Variants in MARCHF1 observed in about 807,000 individuals in gnomAD.
The protein encoded by MARCHF1 is membrane associated ring-CH-type finger 1, also known as E3 ubiquitin-protein ligase MARCHF1.
MARCHF1 carries 40 observed loss-of-function variants against 54.2 expected under a neutral mutation model. That is an observed-to-expected ratio of 0.74 (90% CI 0.57 to 0.96). MARCHF1 has a LOEUF of 0.96. Ranked by LOEUF, MARCHF1 falls within the 40% of genes least tolerant of loss-of-function variation. The pLI, the probability that MARCHF1 is intolerant of heterozygous loss-of-function variation, is 0.00. For missense variants in MARCHF1, 586 were observed against 656.5 expected (o/e 0.89, Z 1.17); for synonymous variants, 236 against 236.3 (o/e 1.00, Z 0.01).
rs1553989397 is a variant in MARCHF1 at position 164,177,009 on chromosome 4, T to TATATATACAC, written c.-322-65348_-322-65347insGTGTATATAT. Reference sequence around the variant, plus strand: ...ATATATATATATATATATATATATATACAAATGATAGAATTAGGCATGTTT... The same window carrying TATATATACAC: ...ATATATATATATATATATATATATATATATATACACACAAATGATAGAATTAGGCATGTTT... On this transcript the variant is annotated intron_variant, in intron 1 of 9. Transcript: ENST00000514618. Among the ~76,000 whole-genome samples the TATATATACAC allele has an allele frequency of 3.8e-4, 21 of 55,562 alleles. 1 individual carries two copies. In the Admixed American group the frequency reaches 3.9e-3, roughly 10 times the overall value. 36.5% of individuals were successfully genotyped at this position (55,562 alleles called of 152,430 possible).
chr4:163,967,706 G>A (rs991037974), intron 3 of MARCHF1, among the ~76,000 whole-genome samples: 1 of 152,106 alleles, frequency 6.6e-6, no homozygotes, highest in African/African-American at 2.4e-5. Flanking sequence ...CTATTGATAT[G>A]TACATAAAGA....
intron 4 of MARCHF1, among the ~76,000 whole-genome samples, chr4:163,848,298 T>G (rs1022012593): frequency 2.6e-5 from 4 of 152,186 alleles, no homozygotes; most frequent in African/African-American, 7.2e-5. Flanking sequence ...GATGAACATA[T>G]GTTTGAAAGT....
intron 3 of MARCHF1, among the ~76,000 whole-genome samples, chr4:163,902,862 A>AGAGCTGAC (rs1345318957): frequency 3.3e-5 from 5 of 152,182 alleles, no homozygotes; most frequent in African/African-American, 1.2e-4. Flanking sequence ...CTCCAAAACT[A>AGAGCTGAC]GAGCTGACTC....
At chr4:163,631,532 G>A (rs569151830) in intron 5 of MARCHF1, among the ~76,000 whole-genome samples, 1 of 152,274 alleles carries the variant, frequency 6.6e-6, no homozygotes, top group South Asian at 2.1e-4. Context: ...CTATTGGTTT[G>A]AGTATTTCAG....
At chr4:164,142,534 A>C (rs1261303427) in intron 1 of MARCHF1, among the ~76,000 whole-genome samples, 1 of 152,184 alleles carries the variant, frequency 6.6e-6, no homozygotes, top group Non-Finnish European at 1.5e-5. Flanking sequence ...CAGCAGCCTA[A>C]CTGGGAGGCA....
chr4:164,144,318 G>T lies in MARCHF1; in HGVS notation c.-322-32656C>A, dbSNP rs1185794290. ...ATTGAACTCAGCTCTGCACCAAGGG[G>T]ACCTAATAGACATCTACAGAACTCT... On this transcript the variant is annotated intron_variant, in intron 1 of 9. Coordinates refer to ENST00000514618, the MANE Select transcript of MARCHF1 (RefSeq NM_001394959.1). Among the ~76,000 whole-genome samples the T allele has an allele frequency of 5.9e-5, 9 of 151,842 alleles. No individual in the cohort carries two copies. The East Asian group carries it at 1.7e-3, about 29-fold the overall frequency.
At chr4:164,346,800 T>C (rs1446151456) in intron 1 of MARCHF1, among the ~76,000 whole-genome samples, 1 of 151,830 alleles carries the variant, frequency 6.6e-6, no homozygotes, top group East Asian at 1.9e-4. Flanking sequence ...AGTTATAATT[T>C]TTTGAATGAA....
At chr4:163,815,977 G>A (rs2111030317) in intron 4 of MARCHF1, among the ~76,000 whole-genome samples, 1 of 152,226 alleles carries the variant, frequency 6.6e-6, no homozygotes, top group Admixed American at 6.5e-5. Flanking sequence ...ATATGTTCAA[G>A]GGAAATGCAC....
chr4:163,535,215 A>G (rs1003711595), intron 9 of MARCHF1, among the ~76,000 whole-genome samples: 1 of 152,074 alleles, frequency 6.6e-6, no homozygotes, highest in Non-Finnish European at 1.5e-5. Flanking sequence ...TGAGGGGGGT[A>G]TATAAAAGAA....
At chr4:163,970,471 G>T (rs1324798624) in intron 3 of MARCHF1, among the ~76,000 whole-genome samples, 1 of 152,134 alleles carries the variant, frequency 6.6e-6, no homozygotes, top group Non-Finnish European at 1.5e-5. Context: ...ACGGATACAT[G>T]GACGGATGGG....
chr4:163,906,566 C>A (rs1751071360), intron 3 of MARCHF1, among the ~76,000 whole-genome samples: 1 of 151,634 alleles, frequency 6.6e-6, no homozygotes, highest in Non-Finnish European at 1.5e-5. Context: ...TAAATATACA[C>A]CCATGAAGCC....
chr4:164,332,920 G>A (rs1729600187), intron 1 of MARCHF1, among the ~76,000 whole-genome samples: 1 of 152,014 alleles, frequency 6.6e-6, no homozygotes, highest in Non-Finnish European at 1.5e-5. Context: ...ATATAGTAAA[G>A]TATAATGAAA....
At chr4:164,334,525 G>A (rs1267408331) in intron 1 of MARCHF1, among the ~76,000 whole-genome samples, 4 of 149,170 alleles carry the variant, frequency 2.7e-5, no homozygotes, top group Non-Finnish European at 1.5e-5. Flanking sequence ...CTACTGCTCA[G>A]AAAAAAAAAA....
chr4:164,364,301 G>A (rs1431519414), intron 1 of MARCHF1, among the ~76,000 whole-genome samples: 1 of 151,954 alleles, frequency 6.6e-6, no homozygotes, highest in Non-Finnish European at 1.5e-5. Flanking sequence ...AGGACTAAAG[G>A]CTCCTACCAG....
At position 163,884,934 on chromosome 4, in the gene MARCHF1, T is replaced by C. The variant is rs138692012; in HGVS notation, c.-38-30765A>G. Among the ~76,000 whole-genome samples, 403 of 152,298 alleles carry C rather than the reference T, an allele frequency of 2.6e-3. 3 individuals are homozygous for C. The highest frequency in any genetic ancestry group is 8.6e-3 in the African/African-American group (356 of 41,558). On this transcript the variant is annotated intron_variant, in intron 3 of 9. Coordinates refer to ENST00000514618, the MANE Select transcript of MARCHF1 (RefSeq NM_001394959.1). Reference sequence around the variant, plus strand: ...ACTAAAGGGGGACACTTAAAGCTAATTGTCCACTATTCAGGAACATGCATT... The same window carrying C: ...ACTAAAGGGGGACACTTAAAGCTAACTGTCCACTATTCAGGAACATGCATT...
intron 4 of MARCHF1, among the ~76,000 whole-genome samples, chr4:163,851,832 A>G (rs768759103): frequency 4.6e-5 from 7 of 152,190 alleles, no homozygotes; most frequent in Non-Finnish European, 8.8e-5. Context: ...CCCTGTGGCC[A>G]TGTGCTTACA....
chr4:163,752,976 C>A (rs1398307662), intron 4 of MARCHF1, among the ~76,000 whole-genome samples: 1 of 152,074 alleles, frequency 6.6e-6, no homozygotes, highest in Non-Finnish European at 1.5e-5. Flanking sequence ...CACTTAATGG[C>A]AATTTTCTTC....
chr4:164,197,807 C>G, intron 1 of MARCHF1: 1 of 1,577,720 alleles, frequency 6.3e-7, no homozygotes, highest in Non-Finnish European at 8.6e-7. Context: ...TTTGAAGACT[C>G]AACCAGCTCC....
chr4:164,133,796 T>C (rs868237219), intron 1 of MARCHF1, among the ~76,000 whole-genome samples: 1 of 152,200 alleles, frequency 6.6e-6, no homozygotes, highest in South Asian at 2.1e-4. Flanking sequence ...TAACTGCTAG[T>C]GGTCCCATTA....
Sources: gnomAD v4.1 joint callset for allele counts (sites outside exome capture counted in the v4.1 genomes callset) on GRCh38, gnomAD v4.1.1 for gene constraint, MANE v1.5 for transcripts, NCBI Gene and HGNC (gene_info 2026-07-23, HGNC 2026-07-21) for gene names.